SDK1: variants seen among roughly 807,000 people sequenced by gnomAD.
SDK1 encodes the protein protein sidekick-1.
SDK1 carries 157 observed loss-of-function variants against 245.5 expected under a neutral mutation model. The observed-to-expected ratio is 0.64, with a 90% CI of 0.56 to 0.73. SDK1 has a LOEUF of 0.73. SDK1 is among the 30% of genes least tolerant of loss of function. The probability of loss-of-function intolerance (pLI) is 0.00; values close to 1 mark genes in which losing one functional copy is unlikely to be tolerated. For missense variants in SDK1, 3,583 were observed against 3,002.3 expected, an observed-to-expected ratio of 1.19 and a Z score of -4.52; for synonymous variants, 1,647 against 1,278.5, an observed-to-expected ratio of 1.29 and a Z score of -6.15.
At chr7:3,949,733 CA>C (rs547175338) in intron 5 of SDK1, among the ~76,000 whole-genome samples, 1 of 152,088 alleles carries the variant, frequency 6.6e-6, no homozygotes, top group Non-Finnish European at 1.5e-5. Context: ...AGAAAAGCGG[CA>C]AAAAATATGT....
rs554665916 is a variant in SDK1 at position 3,370,195 on chromosome 7, T to G, written c.298+68311T>G. ...TGTTAATGCCTCAGAACTAAAGAGGTTTCATGAATACATAGGTTTTCAGTA... is the reference window on the plus strand; with the variant it reads ...TGTTAATGCCTCAGAACTAAAGAGGGTTCATGAATACATAGGTTTTCAGTA... On this transcript the variant is annotated intron_variant, in intron 1 of 44. Coordinates refer to ENST00000404826, the MANE Select transcript of SDK1 (RefSeq NM_152744.4). 4.7e-4 allele frequency among the ~76,000 whole-genome samples: 71 copies of G among 152,096 alleles called. 1 individual carries two copies. In the South Asian group the frequency reaches 0.014, roughly 30 times the overall value.
chr7:3,929,964 A>G (rs368033277), intron 5 of SDK1, among the ~76,000 whole-genome samples: 42 of 152,212 alleles, frequency 2.8e-4, no homozygotes, highest in African/African-American at 8.9e-4. Context: ...TCCTGAAAGC[A>G]TGGTGTTTTT....
chr7:3,667,540 C>T (rs1783571973), intron 4 of SDK1, among the ~76,000 whole-genome samples: 1 of 152,182 alleles, frequency 6.6e-6, no homozygotes, highest in Admixed American at 6.5e-5. Context: ...TCCACTACCA[C>T]AATCATAAAA....
chr7:3,959,516 C>T (rs986214637), intron 8 of SDK1, among the ~76,000 whole-genome samples: 22 of 152,318 alleles, frequency 1.4e-4, no homozygotes, highest in South Asian at 6.2e-4. Flanking sequence ...GCTGGGAGTG[C>T]GTCCGTCACT....
intron 35 of SDK1, among the ~76,000 whole-genome samples, chr7:4,204,249 A>T (rs1784064715): frequency 6.6e-6 from 1 of 152,230 alleles, no homozygotes; most frequent in Admixed American, 6.5e-5. Flanking sequence ...TATGTTTTGG[A>T]TTATTAATGT....
chr7:3,458,906 G>A (rs1205660868), intron 1 of SDK1, among the ~76,000 whole-genome samples: 2 of 152,108 alleles, frequency 1.3e-5, no homozygotes, highest in African/African-American at 2.4e-5. Flanking sequence ...GGTAATGAAA[G>A]TGCTCTAAAT....
At chr7:3,558,654 G>A (rs904576218) in intron 1 of SDK1, among the ~76,000 whole-genome samples, 3 of 152,196 alleles carry the variant, frequency 2.0e-5, no homozygotes, top group Admixed American at 6.5e-5. Flanking sequence ...AGCGACCGCT[G>A]GGATCCAGCA....
chr7:4,256,598 A>G (rs1787643636), intron 44 of SDK1, among the ~76,000 whole-genome samples: 2 of 152,250 alleles, frequency 1.3e-5, no homozygotes, highest in Admixed American at 1.3e-4. Flanking sequence ...TATCCTCTCT[A>G]CTGGAGACAG....
intron 1 of SDK1, among the ~76,000 whole-genome samples, chr7:3,536,589 G>C (rs1452513610): frequency 6.6e-6 from 1 of 151,974 alleles, no homozygotes; most frequent in Admixed American, 6.6e-5. Context: ...AGCTACTTGG[G>C]AGGCTGAGGC....
At chr7:3,391,780 A>G (rs1240370628) in intron 1 of SDK1, among the ~76,000 whole-genome samples, 1 of 151,396 alleles carries the variant, frequency 6.6e-6, no homozygotes, top group Non-Finnish European at 1.5e-5. Flanking sequence ...GGTGTGTGCC[A>G]TAATGCCTGG....
intron 1 of SDK1, among the ~76,000 whole-genome samples, chr7:3,477,265 G>A (rs565333011): frequency 8.3e-6 from 1 of 119,858 alleles, no homozygotes; most frequent in East Asian, 2.7e-4. Context: ...GCGCGATCTT[G>A]GCTCAGTGCA....
At chr7:3,639,942 G>T (rs1782597887) in intron 3 of SDK1, among the ~76,000 whole-genome samples, 1 of 152,032 alleles carries the variant, frequency 6.6e-6, no homozygotes, top group Non-Finnish European at 1.5e-5. Flanking sequence ...CTTGAACTGG[G>T]CTCAAGTGAT....
intron 14 of SDK1, among the ~76,000 whole-genome samples, chr7:3,988,066 A>G (rs1007225196): frequency 1.3e-4 from 20 of 149,418 alleles, no homozygotes. Context: ...GCAACTTGAC[A>G]TCTGTATCGG....
At position 3,967,393 on chromosome 7, in the gene SDK1, A is replaced by G. The variant is rs1562588074; in HGVS notation, c.1505A>G (p.Glu502Gly). 6.2e-7 allele frequency: 1 copy of G among 1,614,118 alleles called. No homozygotes were observed. The highest frequency in any genetic ancestry group is 1.7e-5 in the Admixed American group (1 of 60,032). The change falls in exon 10 of 45, where the codon GAG becomes GGG. Residue 502 changes from glutamate to glycine, a missense_variant. Physicochemically the swap from Glu to Gly is moderately conservative, Grantham distance 98. Transcript: ENST00000404826. ...TDGMTAILRC[E>G]VSGAPKPAIT... ...GGGATGACAGCCATTCTAAGGTGTG[A>G]GGTGTCCGGGGCTCCCAAACCCGCC...
rs977062755 is a variant in SDK1, at chr7:4,265,431, G to C, written c.*47G>C. ...AGGGCGGAACGGAGGCAACTTTCCGGAGTCTATTTTTGTTAAGACAATCAA... is the reference window on the plus strand; with the variant it reads ...AGGGCGGAACGGAGGCAACTTTCCGCAGTCTATTTTTGTTAAGACAATCAA... On this transcript the variant is annotated 3_prime_UTR_variant, in exon 45 of 45. Transcript: ENST00000404826. 4.1e-5 allele frequency: 57 copies of C among 1,402,516 alleles called. No homozygotes were observed. Among genetic ancestry groups the C allele is most frequent in the Non-Finnish European group, 5.0e-5 (54 of 1,086,908 alleles). The allele number at this position is 1,402,516 out of a possible 1,614,324, so 86.9% of individuals were successfully genotyped here. A position where few individuals can be genotyped will look rare whatever the true frequency, so the allele number is the denominator to read the frequency against.
intron 13 of SDK1, among the ~76,000 whole-genome samples, chr7:3,981,191 G>T (rs190865790): frequency 2.6e-5 from 4 of 152,200 alleles, no homozygotes; most frequent in African/African-American, 9.6e-5. Flanking sequence ...ATCTGTGATG[G>T]CACTCCCTGA....
At chr7:3,355,857 A>G (rs1780779321) in intron 1 of SDK1, among the ~76,000 whole-genome samples, 1 of 152,162 alleles carries the variant, frequency 6.6e-6, no homozygotes, top group African/African-American at 2.4e-5. Flanking sequence ...ACTTTGCAGC[A>G]TGTCTGCAGT....
rs975993547 is a variant in SDK1, at chr7:3,913,498, T to A, written c.848-37425T>A. Among the ~76,000 whole-genome samples the A allele has an allele frequency of 6.6e-5, 10 of 152,216 alleles. 1 individual carries two copies. In the South Asian group the frequency reaches 1.9e-3, roughly 28 times the overall value. On this transcript the variant is annotated intron_variant, in intron 5 of 44. Transcript: ENST00000404826. Reference sequence around the variant, plus strand: ...TTGGTAGAGATGGGGTTTCACTATGTTAGCCAGGATGGTCTCGATCTCCTG... The same window carrying A: ...TTGGTAGAGATGGGGTTTCACTATGATAGCCAGGATGGTCTCGATCTCCTG...
intron 4 of SDK1, among the ~76,000 whole-genome samples, chr7:3,806,718 A>G (rs537580835): frequency 7.9e-5 from 12 of 152,248 alleles, no homozygotes; most frequent in African/African-American, 2.9e-4. Flanking sequence ...GAGGAGATGA[A>G]TGGAGCAATT....
Sources: allele counts gnomAD v4.1 joint callset (sites outside exome capture counted in the v4.1 genomes callset), GRCh38; gene constraint gnomAD v4.1.1; transcripts MANE v1.5; gene names NCBI Gene and HGNC (gene_info 2026-07-23, HGNC 2026-07-21).